KCNIP4: variants seen among roughly 807,000 people sequenced by gnomAD.
The protein encoded by KCNIP4 is potassium voltage-gated channel interacting protein 4.
Under a neutral mutation model 34.0 loss-of-function variants are expected in KCNIP4, and 12 were observed. The ratio of observed to expected loss-of-function variants is 0.35; its 90% CI spans 0.23 to 0.57. The LOEUF (loss-of-function observed/expected upper bound fraction) is 0.57. KCNIP4 is among the 20% of genes least tolerant of loss of function. The pLI is 0.83. For missense variants in KCNIP4, 238 were observed against 311.7 expected (o/e 0.76, Z 1.78); for synonymous variants, 124 against 102.2 (o/e 1.21, Z -1.29).
intron 1 of KCNIP4, among the ~76,000 whole-genome samples, chr4:21,100,834 T>G (rs1747869603): frequency 6.6e-6 from 1 of 152,320 alleles, no homozygotes; most frequent in Admixed American, 6.5e-5. Context: ...CAAAAACTTC[T>G]TGTGACTATA....
At chr4:21,172,933 CA>C (rs1754120757) in intron 1 of KCNIP4, among the ~76,000 whole-genome samples, 1 of 152,130 alleles carries the variant, frequency 6.6e-6, no homozygotes, top group Non-Finnish European at 1.5e-5. Context: ...GATTCTTGGT[CA>C]AGTTCAGTGC....
At chr4:21,109,645 C>A (rs945362152) in intron 1 of KCNIP4, among the ~76,000 whole-genome samples, 1 of 151,470 alleles carries the variant, frequency 6.6e-6, no homozygotes, top group Non-Finnish European at 1.5e-5. Context: ...CCTAGTGAGA[C>A]GAACCTGGTA....
intron 1 of KCNIP4, among the ~76,000 whole-genome samples, chr4:21,021,739 C>T (rs938590030): frequency 6.6e-6 from 1 of 152,082 alleles, no homozygotes; most frequent in Non-Finnish European, 1.5e-5. Context: ...TCTATGATGA[C>T]AATGCCTTCT....
intron 3 of KCNIP4, among the ~76,000 whole-genome samples, chr4:20,848,874 C>G (rs969656495): frequency 1.3e-5 from 2 of 152,108 alleles, no homozygotes; most frequent in African/African-American, 4.8e-5. Context: ...TTCACATGAA[C>G]ACATTTGAAG....
intron 1 of KCNIP4, among the ~76,000 whole-genome samples, chr4:21,757,599 C>T (rs1717752305): frequency 6.6e-6 from 1 of 152,086 alleles, no homozygotes. Flanking sequence ...ACAGATTGAG[C>T]CAGAGACTTG....
At chr4:21,529,701 A>G (rs544987731) in intron 1 of KCNIP4, among the ~76,000 whole-genome samples, 1 of 152,262 alleles carries the variant, frequency 6.6e-6, no homozygotes, top group East Asian at 1.9e-4. Flanking sequence ...AGACCATGAA[A>G]TCTCTCAAGA....
intron 1 of KCNIP4, among the ~76,000 whole-genome samples, chr4:20,883,267 C>T (rs1003402619): frequency 9.9e-5 from 15 of 152,136 alleles, no homozygotes; most frequent in African/African-American, 3.6e-4. Context: ...TTAGCATATA[C>T]TGACATGCCC....
chr4:21,496,512 C>T (rs1732862271), intron 1 of KCNIP4, among the ~76,000 whole-genome samples: 1 of 152,164 alleles, frequency 6.6e-6, no homozygotes, highest in Admixed American at 6.6e-5. Flanking sequence ...CTTGGTTTGG[C>T]TTTCATCAGC....
rs59550528 is a variant in KCNIP4, at chr4:21,783,591, A to T, written c.61+164980T>A. ...TTAATCAAAAGCAAACCCAAAGCAG[A>T]TGTCATTTCCAGAAAAAAATAAAGG... On this transcript the variant is annotated intron_variant, in intron 1 of 8. Coordinates refer to ENST00000382152, the MANE Select transcript of KCNIP4 (RefSeq NM_025221.6). Among the ~76,000 whole-genome samples the T allele has an allele frequency of 5.3e-5, 8 of 152,312 alleles. No individual in the cohort carries two copies. The East Asian group carries it at 1.4e-3, about 26-fold the overall frequency.
intron 1 of KCNIP4, among the ~76,000 whole-genome samples, chr4:21,675,412 C>G (rs905155076): frequency 6.6e-6 from 1 of 152,056 alleles, no homozygotes; most frequent in African/African-American, 2.4e-5. Flanking sequence ...TCAACAATAA[C>G]TTAATCATAT....
At chr4:21,560,975 C>T (rs1167582480) in intron 1 of KCNIP4, among the ~76,000 whole-genome samples, 2 of 151,896 alleles carry the variant, frequency 1.3e-5, no homozygotes, top group Non-Finnish European at 2.9e-5. Context: ...ATCAATGCTG[C>T]CAAAATAAAA....
chr4:20,875,312 T>G (rs1311797137), intron 2 of KCNIP4, among the ~76,000 whole-genome samples: 1 of 152,224 alleles, frequency 6.6e-6, no homozygotes, highest in Non-Finnish European at 1.5e-5. Flanking sequence ...CCTACTCCCA[T>G]GCCTCTTGCT....
Position 21,388,091 on chromosome 4 carries a change from A to AGAAAGATTTTAGGTGTGCT in KCNIP4, c.62-505383_62-505382insAGCACACCTAAAATCTTTC, listed in dbSNP as rs1560355732. On this transcript the variant is annotated intron_variant, in intron 1 of 8. Transcript: ENST00000382152. ...CTTTGAGCCTGAGAATAGGCTCCTG[A>AGAAAGATTTTAGGTGTGCT]GAAAGATTTCAGGTGTGCTGAAAGA... Among the ~76,000 whole-genome samples the AGAAAGATTTTAGGTGTGCT allele has an allele frequency of 6.7e-5, 10 of 148,868 alleles. No individual in the cohort carries two copies. The South Asian group carries it at 1.7e-3, about 26-fold the overall frequency.
At chr4:21,738,773 T>C (rs1352319838) in intron 1 of KCNIP4, among the ~76,000 whole-genome samples, 1 of 152,140 alleles carries the variant, frequency 6.6e-6, no homozygotes, top group Non-Finnish European at 1.5e-5. Flanking sequence ...TCTTCCCCAC[T>C]TTCTTCTCAA....
intron 1 of KCNIP4, among the ~76,000 whole-genome samples, chr4:21,801,357 A>G (rs1005142205): frequency 6.6e-6 from 1 of 152,174 alleles, no homozygotes; most frequent in Non-Finnish European, 1.5e-5. Flanking sequence ...ACCAGTGACC[A>G]ACCTCTAGTT....
chr4:21,495,210 A>G (rs1158283856), intron 1 of KCNIP4, among the ~76,000 whole-genome samples: 1 of 149,904 alleles, frequency 6.7e-6, no homozygotes, highest in East Asian at 1.9e-4. Context: ...TTGGTCAGTA[A>G]AGGGTGCTAG....
chr4:21,744,605 A>G (rs915467630), intron 1 of KCNIP4, among the ~76,000 whole-genome samples: 1 of 152,126 alleles, frequency 6.6e-6, no homozygotes, highest in Non-Finnish European at 1.5e-5. Flanking sequence ...CAGCAACTAA[A>G]GTGGTGATGC....
chr4:21,353,996 A>G (rs1313704928), intron 1 of KCNIP4, among the ~76,000 whole-genome samples: 1 of 152,220 alleles, frequency 6.6e-6, no homozygotes, highest in Non-Finnish European at 1.5e-5. Context: ...CCAATATTCA[A>G]TATTCTTAAA....
chr4:21,715,054 A>C (rs1199634619), intron 1 of KCNIP4, among the ~76,000 whole-genome samples: 2 of 52,950 alleles, frequency 3.8e-5, no homozygotes, highest in Non-Finnish European at 5.6e-5. Flanking sequence ...ATTTTATTTT[A>C]TTTTATTTTA....
Sources: gnomAD v4.1 joint callset for allele counts (sites outside exome capture counted in the v4.1 genomes callset) on GRCh38, gnomAD v4.1.1 for gene constraint, MANE v1.5 for transcripts, NCBI Gene and HGNC (gene_info 2026-07-23, HGNC 2026-07-21) for gene names.